Variants in THUMPD2 observed in about 807,000 individuals in gnomAD.
The protein encoded by THUMPD2 is U6 snRNA (guanine-N(2))-methyltransferase THUMPD2.
THUMPD2 carries 56 observed loss-of-function variants against 49.4 expected under a neutral mutation model. The observed-to-expected ratio is 1.13, with a 90% CI of 0.91 to 1.41. The LOEUF (loss-of-function observed/expected upper bound fraction) is 1.41. THUMPD2 is among the 40% of genes most tolerant of loss of function. The probability of loss-of-function intolerance (pLI) is 0.00; values close to 1 mark genes in which losing one functional copy is unlikely to be tolerated. For missense variants in THUMPD2, 709 were observed against 594.5 expected, an observed-to-expected ratio of 1.19 and a Z score of -2.00; for synonymous variants, 237 against 205.2, an observed-to-expected ratio of 1.15 and a Z score of -1.32.
At position 39,779,195 on chromosome 2, in the gene THUMPD2, G is replaced by A. The variant is rs759390977; in HGVS notation, c.45C>T (p.Gly15=). Residue 15 remains glycine (G), a synonymous_variant, in exon 1 of 10, where the codon GGC becomes GGT. Coordinates refer to ENST00000505747, the MANE Select transcript of THUMPD2 (RefSeq NM_025264.5). ...RGEPGSGPEA[G]ARFFCTAGRG... The stretch of plus-strand genomic sequence containing the variant: ...GACCCGCAGTGCAGAAGAATCGGGC[G>A]CCAGCCTCAGGCCCGGACCCTGGCT... 269 of 1,517,130 alleles carry A rather than the reference G, an allele frequency of 1.8e-4. No individual in the cohort carries two copies. The highest frequency in any genetic ancestry group is 7.2e-4 in the Admixed American group (35 of 48,828). 94.0% of individuals were successfully genotyped at this position (1,517,130 alleles called of 1,614,324 possible).
At chr2:39,737,701 A>G (rs1317786276) in intron 9 of THUMPD2, among the ~76,000 whole-genome samples, 1 of 152,162 alleles carries the variant, frequency 6.6e-6, no homozygotes, top group Non-Finnish European at 1.5e-5. Context: ...TGGGTCCCAA[A>G]CCCGAGCATG....
At chr2:39,740,653 C>T (rs561302293) in intron 9 of THUMPD2, among the ~76,000 whole-genome samples, 4 of 151,828 alleles carry the variant, frequency 2.6e-5, no homozygotes, top group Non-Finnish European at 2.9e-5. Flanking sequence ...GGGGTCACTC[C>T]GTCACCTGGG....
In THUMPD2 at chr2:39,764,921, A is replaced by T. The variant is rs924191223; in HGVS notation, c.803+1136T>A. Among the ~76,000 whole-genome samples, 8 of 152,222 alleles carry T rather than the reference A, an allele frequency of 5.3e-5. No individual in the cohort carries two copies. The South Asian group carries it at 6.2e-4, about 12-fold the overall frequency. ...TTATTTGTAAACTTCAAGGTACACT[A>T]TCAATTATTATTTGAAATGCCATGG... is the stretch of plus-strand genomic sequence containing the variant. On this transcript the variant is annotated intron_variant, in intron 5 of 9. Coordinates refer to ENST00000505747, the MANE Select transcript of THUMPD2 (RefSeq NM_025264.5).
chr2:39,762,417 G>C (rs1253846378), intron 5 of THUMPD2, among the ~76,000 whole-genome samples: 1 of 151,814 alleles, frequency 6.6e-6, no homozygotes, highest in African/African-American at 2.4e-5. Flanking sequence ...TGTATTTATT[G>C]CAAGCCTCTT....
At chr2:39,754,688 C>T (rs886440204) in intron 8 of THUMPD2, among the ~76,000 whole-genome samples, 1 of 152,160 alleles carries the variant, frequency 6.6e-6, no homozygotes, top group African/African-American at 2.4e-5. Flanking sequence ...TTTTGATTGG[C>T]CTCAATAGAC....
At chr2:39,763,978 C>T (rs1402474959) in intron 5 of THUMPD2, among the ~76,000 whole-genome samples, 1 of 152,252 alleles carries the variant, frequency 6.6e-6, no homozygotes, top group Non-Finnish European at 1.5e-5. Context: ...CTGCCATCCT[C>T]CATGTAAATC....
Position 39,779,132 on chromosome 2 carries a change from C to G in THUMPD2, c.108G>C (p.Ala36=), listed in dbSNP as rs755216206. 1.2e-5 allele frequency: 18 copies of G among 1,516,656 alleles called. No individual in the cohort carries two copies. The South Asian group carries it at 2.1e-4, about 18-fold the overall frequency. The allele number at this position is 1,516,656 out of a possible 1,614,324, so 93.9% of individuals were successfully genotyped here. A position where few individuals can be genotyped will look rare whatever the true frequency, so the allele number is the denominator to read the frequency against. The change falls in exon 1 of 10, where the codon GCG becomes GCC. Residue 36 remains alanine (A), a synonymous_variant. Transcript: ENST00000505747. ...AACTCACCTGCGTGGCCGCCAGCCGCGCCCGCACCTCTCGCATTACGAACG... is the reference window on the plus strand; with the variant it reads ...AACTCACCTGCGTGGCCGCCAGCCGGGCCCGCACCTCTCGCATTACGAACG... ...LEPFVMREVR[A]RLAATQVEYI...
intron 5 of THUMPD2, among the ~76,000 whole-genome samples, chr2:39,761,807 A>C (rs1324719148): frequency 6.6e-6 from 1 of 152,182 alleles, no homozygotes. Context: ...GTAGTATGGG[A>C]AGTAGAACTG....
At chr2:39,751,038 ACT>A (rs1172213628) in intron 8 of THUMPD2, among the ~76,000 whole-genome samples, 28 of 152,354 alleles carry the variant, frequency 1.8e-4, no homozygotes, top group African/African-American at 6.7e-4. Context: ...CATGTGAACT[ACT>A]CTCTATGTTG....
At chr2:39,764,131 C>T (rs1439086922) in intron 5 of THUMPD2, among the ~76,000 whole-genome samples, 4 of 152,150 alleles carry the variant, frequency 2.6e-5, no homozygotes, top group Non-Finnish European at 4.4e-5. Flanking sequence ...CTCACAGGTC[C>T]GTAATTAGAG....
intron 9 of THUMPD2, among the ~76,000 whole-genome samples, chr2:39,741,562 G>A (rs529922816): frequency 6.6e-6 from 1 of 152,084 alleles, no homozygotes; most frequent in East Asian, 1.9e-4. Flanking sequence ...TTACATTTGA[G>A]GAGAAAACTC....
At chr2:39,762,408 G>A (rs1676936600) in intron 5 of THUMPD2, among the ~76,000 whole-genome samples, 3 of 151,820 alleles carry the variant, frequency 2.0e-5, no homozygotes, top group Admixed American at 2.0e-4. Context: ...TCCTGTTTTT[G>A]TATTTATTGC....
upstream of THUMPD2, chr2:39,779,264 C>T (rs1423349181): frequency 7.0e-7 from 1 of 1,420,654 alleles, no homozygotes. Context: ...GCCCTCGCGC[C>T]TTCGGGTCAC....
intron 1 of THUMPD2, among the ~76,000 whole-genome samples, chr2:39,776,214 A>T (rs1572896188): frequency 2.0e-5 from 3 of 152,282 alleles, no homozygotes; most frequent in East Asian, 3.9e-4. Flanking sequence ...TAGATATGTA[A>T]ATTAAATATT....
At chr2:39,743,369 G>C (rs17024299) in intron 9 of THUMPD2, among the ~76,000 whole-genome samples, 4,062 of 152,206 alleles carry the variant, frequency 0.027, 76 homozygotes, top group South Asian at 0.039. Flanking sequence ...TCTCTCAAAG[G>C]AATGCTTCCA....
chr2:39,761,200 A>G, intron 6 of THUMPD2, 131 bp downstream of exon 6: 1 of 750,466 alleles, frequency 1.3e-6, no homozygotes, highest in Non-Finnish European at 2.2e-6. Context: ...AATGGCAAAA[A>G]GAAAAGAAGT....
At chr2:39,757,706 T>C (rs1333003397) in intron 6 of THUMPD2, among the ~76,000 whole-genome samples, 1 of 152,248 alleles carries the variant, frequency 6.6e-6, no homozygotes. Flanking sequence ...TCTGTATACT[T>C]ACAACAACAA....
At chr2:39,776,598 C>T (rs916447407) in intron 1 of THUMPD2, among the ~76,000 whole-genome samples, 2 of 152,074 alleles carry the variant, frequency 1.3e-5, no homozygotes, top group African/African-American at 4.8e-5. Context: ...ACCATGTTGT[C>T]CAGGCTGGTC....
chr2:39,740,709 C>T (rs1207139260), intron 9 of THUMPD2, among the ~76,000 whole-genome samples: 1 of 151,464 alleles, frequency 6.6e-6, no homozygotes, highest in East Asian at 1.9e-4. Flanking sequence ...AGTTCATATA[C>T]ACATAATTTC....
Sources: gnomAD v4.1 joint callset for allele counts (sites outside exome capture counted in the v4.1 genomes callset) on GRCh38, gnomAD v4.1.1 for gene constraint, MANE v1.5 for transcripts, NCBI Gene and HGNC (gene_info 2026-07-23, HGNC 2026-07-21) for gene names.